Variants in GPC5 observed in about 807,000 individuals in gnomAD.
GPC5 encodes glypican 5, also known as glypican-5.
In GPC5, 47 loss-of-function variants were observed where a neutral mutation model predicts 53.9. That is an observed-to-expected ratio of 0.87 (90% CI 0.69 to 1.11). The LOEUF (loss-of-function observed/expected upper bound fraction) is 1.11. Ranked by LOEUF, GPC5 falls within the 50% of genes most tolerant of loss-of-function variation. GPC5 has a pLI of 0.00. For synonymous variants in GPC5, 286 were observed against 263.3 expected (o/e 1.09, Z -0.84); for missense variants, 748 against 713.1 (o/e 1.05, Z -0.56).
chr13:92,838,721 C>T (rs1878313336), intron 7 of GPC5, among the ~76,000 whole-genome samples: 1 of 151,930 alleles, frequency 6.6e-6, no homozygotes, highest in South Asian at 2.1e-4. Flanking sequence ...CATAAAGAAC[C>T]ACTGTAGAAA....
At chr13:91,740,770 T>A (rs1383304449) in intron 4 of GPC5, among the ~76,000 whole-genome samples, 1 of 152,162 alleles carries the variant, frequency 6.6e-6, no homozygotes, top group African/African-American at 2.4e-5. Flanking sequence ...CTCATATAGT[T>A]GTCTAAAGCA....
At chr13:91,847,689 G>T (rs2038867869) in intron 5 of GPC5, among the ~76,000 whole-genome samples, 1 of 152,158 alleles carries the variant, frequency 6.6e-6, no homozygotes, top group Non-Finnish European at 1.5e-5. Context: ...AGAGACACCA[G>T]ATTATTTAGA....
chr13:91,910,548 T>C (rs570571760), intron 6 of GPC5, among the ~76,000 whole-genome samples: 5 of 152,280 alleles, frequency 3.3e-5, no homozygotes, highest in African/African-American at 4.8e-5. Context: ...GACGTACCTA[T>C]ATTAAAGAAT....
chr13:92,519,999 A>G (rs1232427424), intron 7 of GPC5, among the ~76,000 whole-genome samples: 1 of 152,180 alleles, frequency 6.6e-6, no homozygotes, highest in Non-Finnish European at 1.5e-5. Flanking sequence ...TACTATAAAC[A>G]CCTCTATGTA....
intron 1 of GPC5, 43 bp downstream of exon 1, chr13:91,399,252 C>A: frequency 1.3e-6 from 2 of 1,588,482 alleles, no homozygotes; most frequent in Non-Finnish European, 8.6e-7. Flanking sequence ...GGCGTCCGAG[C>A]CCGGCCTTCG....
At chr13:92,546,553 G>A in intron 7 of GPC5, among the ~76,000 whole-genome samples, 1 of 152,150 alleles carries the variant, frequency 6.6e-6, no homozygotes, top group East Asian at 1.9e-4. Flanking sequence ...CCATGCTCAT[G>A]GGTAGGAAGA....
intron 5 of GPC5, among the ~76,000 whole-genome samples, chr13:91,808,285 C>T (rs180904381): frequency 6.6e-6 from 1 of 152,124 alleles, no homozygotes; most frequent in East Asian, 1.9e-4. Context: ...ACCCAAATAC[C>T]ATATGAAAGA....
At chr13:91,560,313 A>G (rs1305250100) in intron 2 of GPC5, among the ~76,000 whole-genome samples, 1 of 152,142 alleles carries the variant, frequency 6.6e-6, no homozygotes, top group Non-Finnish European at 1.5e-5. Flanking sequence ...TGAGGATAGT[A>G]CCTTAGTCTT....
At chr13:91,832,146 T>C (rs2038667540) in intron 5 of GPC5, among the ~76,000 whole-genome samples, 1 of 152,034 alleles carries the variant, frequency 6.6e-6, no homozygotes, top group Non-Finnish European at 1.5e-5. Flanking sequence ...GGTGCTCCTG[T>C]ATTGGGTGCA....
intron 1 of GPC5, among the ~76,000 whole-genome samples, chr13:91,418,135 G>A (rs1878364752): frequency 6.6e-6 from 1 of 152,072 alleles, no homozygotes; most frequent in Non-Finnish European, 1.5e-5. Flanking sequence ...TAGTCGCTGA[G>A]TTGTTATCAG....
rs531730409 is a variant in GPC5, at chr13:91,402,782, G to T, written c.163+3573G>T. Reference sequence around the variant, plus strand: ...TAATTTTAGATCTTTATATATCAAAGATGTTTTTACAATAATGAGTTGGTT... The same window carrying T: ...TAATTTTAGATCTTTATATATCAAATATGTTTTTACAATAATGAGTTGGTT... On this transcript the variant is annotated intron_variant, in intron 1 of 7. Transcript: ENST00000377067. 3.3e-5 allele frequency among the ~76,000 whole-genome samples: 5 copies of T among 152,244 alleles called. No individual in the cohort carries two copies. The East Asian group carries it at 9.6e-4, about 29-fold the overall frequency.
At chr13:92,858,667 G>A (rs1165701617) in intron 7 of GPC5, among the ~76,000 whole-genome samples, 3 of 152,098 alleles carry the variant, frequency 2.0e-5, no homozygotes, top group African/African-American at 7.2e-5. Flanking sequence ...AGGGAGGGCA[G>A]GAGGAGGGCA....
At chr13:92,788,383 T>G (rs556000490) in intron 7 of GPC5, among the ~76,000 whole-genome samples, 1 of 152,246 alleles carries the variant, frequency 6.6e-6, no homozygotes, top group Admixed American at 6.5e-5. Flanking sequence ...TAACAAAAAT[T>G]GACCATATTA....
At chr13:92,531,156 T>C (rs1400450870) in intron 7 of GPC5, among the ~76,000 whole-genome samples, 2 of 152,152 alleles carry the variant, frequency 1.3e-5, no homozygotes, top group African/African-American at 4.8e-5. Context: ...AGCCAAAGCC[T>C]ATATTCTTTT....
At chr13:92,343,966 T>C (rs2043388272) in intron 7 of GPC5, among the ~76,000 whole-genome samples, 1 of 152,122 alleles carries the variant, frequency 6.6e-6, no homozygotes, top group South Asian at 2.1e-4. Flanking sequence ...TTTTGGGAAC[T>C]GAGATAATAG....
At chr13:91,452,565 A>G (rs914753319) in intron 2 of GPC5, among the ~76,000 whole-genome samples, 2 of 152,108 alleles carry the variant, frequency 1.3e-5, no homozygotes, top group African/African-American at 4.8e-5. Flanking sequence ...TGGTTTTGCT[A>G]TAAGATTTTC....
intron 6 of GPC5, among the ~76,000 whole-genome samples, chr13:92,101,520 G>C (rs1475553246): frequency 2.0e-5 from 3 of 152,062 alleles, no homozygotes; most frequent in Non-Finnish European, 4.4e-5. Flanking sequence ...GGCTATCCCT[G>C]GCTATCATTT....
chr13:92,444,376 G>C (rs1376531078), intron 7 of GPC5, among the ~76,000 whole-genome samples: 1 of 152,122 alleles, frequency 6.6e-6, no homozygotes, highest in Non-Finnish European at 1.5e-5. Context: ...AGCAGCCTCT[G>C]TGTGCCAGGA....
intron 6 of GPC5, among the ~76,000 whole-genome samples, chr13:92,008,207 C>T (rs1594720752): frequency 6.6e-6 from 1 of 151,792 alleles, no homozygotes. Context: ...GGACTACAGG[C>T]GCCCGCTACC....
Sources: allele counts gnomAD v4.1 joint callset (sites outside exome capture counted in the v4.1 genomes callset), GRCh38; gene constraint gnomAD v4.1.1; transcripts MANE v1.5; gene names NCBI Gene and HGNC (gene_info 2026-07-23, HGNC 2026-07-21).